FBLN5: variants seen among roughly 807,000 people sequenced by gnomAD.
FBLN5 encodes the protein fibulin-5.
A neutral mutation model predicts 61.6 loss-of-function variants in FBLN5; 24 were observed. The observed-to-expected ratio is 0.39, with a 90% CI of 0.28 to 0.55. The LOEUF is 0.55. FBLN5 is among the 20% of genes least tolerant of loss of function. The pLI is 0.65. For synonymous variants in FBLN5, 213 were observed against 219.8 expected (o/e 0.97, Z 0.27); for missense variants, 470 against 594.1 (o/e 0.79, Z 2.17).
At chr14:91,934,223 C>A (rs1187023262) in intron 4 of FBLN5, among the ~76,000 whole-genome samples, 1 of 152,154 alleles carries the variant, frequency 6.6e-6, no homozygotes, top group Non-Finnish European at 1.5e-5. Context: ...AAGAGAAGGA[C>A]CTTGTTTTTA....
intron 5 of FBLN5, among the ~76,000 whole-genome samples, chr14:91,894,745 C>A (rs537548424): frequency 6.6e-6 from 1 of 152,214 alleles, no homozygotes; most frequent in South Asian, 2.1e-4. Flanking sequence ...CATTCAAAAA[C>A]TATAATGATG....
chr14:91,889,931 G>A (rs1185071997), intron 6 of FBLN5, among the ~76,000 whole-genome samples: 1 of 152,208 alleles, frequency 6.6e-6, no homozygotes, highest in Admixed American at 6.5e-5. Context: ...AGGAGGTACT[G>A]GGGGCACGGT....
chr14:91,894,821 ACCCCTCCC>A (rs2139982443), intron 5 of FBLN5, 121 bp downstream of exon 5: 1 of 448,480 alleles, frequency 2.2e-6, no homozygotes, highest in Non-Finnish European at 4.5e-6. Context: ...ATAGCCTTCC[ACCCCTCCC>A]GCCCTCCCTA....
intron 10 of FBLN5, 133 bp downstream of exon 10, chr14:91,877,354 A>G: frequency 2.6e-6 from 2 of 771,240 alleles, no homozygotes; most frequent in Non-Finnish European, 2.3e-6. Context: ...ACCTTGAACC[A>G]CACCCTCCAC....
chr14:91,897,137 T>C (rs1890260727), intron 4 of FBLN5, among the ~76,000 whole-genome samples: 1 of 151,386 alleles, frequency 6.6e-6, no homozygotes, highest in African/African-American at 2.4e-5. Context: ...TCCAAGAACC[T>C]AGTGCCAAGA....
At chr14:91,878,578 C>T (rs2139951970) in intron 9 of FBLN5, among the ~76,000 whole-genome samples, 2 of 152,288 alleles carry the variant, frequency 1.3e-5, no homozygotes, top group Admixed American at 1.3e-4. Flanking sequence ...CCAATCTATC[C>T]ACAAAACCTG....
chr14:91,932,944 C>T (rs2256767), intron 4 of FBLN5, among the ~76,000 whole-genome samples: 77,510 of 152,222 alleles, frequency 0.51, 20,217 homozygotes, highest in East Asian at 0.68. Context: ...GCTTCGTATG[C>T]ATGGCCCCTT....
In FBLN5 at chr14:91,911,016, C is replaced by T. The variant is rs529947861; in HGVS notation, c.380-15944G>A. On this transcript the variant is annotated intron_variant, in intron 4 of 10. Coordinates refer to ENST00000342058, the MANE Select transcript of FBLN5 (RefSeq NM_006329.4). ...TTTTTTTTTTTAATACAGAGTCTCA[C>T]TCTGTCACCCAGGCTGGAGTGCAGC... Among the ~76,000 whole-genome samples the T allele has an allele frequency of 2.6e-5, 4 of 151,562 alleles. No homozygotes were observed. The South Asian group carries it at 8.4e-4, about 32-fold the overall frequency.
At chr14:91,875,045 G>C (rs1413537750) in intron 10 of FBLN5, among the ~76,000 whole-genome samples, 18 of 152,054 alleles carry the variant, frequency 1.2e-4, no homozygotes, top group Admixed American at 1.2e-3. Context: ...GCCCAGGCTG[G>C]ACTTGAACTC....
chr14:91,945,287 T>G (rs555806647), intron 1 of FBLN5, among the ~76,000 whole-genome samples: 2 of 152,168 alleles, frequency 1.3e-5, no homozygotes, highest in Admixed American at 1.3e-4. Context: ...GTACTATTAT[T>G]CAGTTCAACA....
At chr14:91,897,012 T>C (rs1002437179) in intron 4 of FBLN5, among the ~76,000 whole-genome samples, 4 of 152,144 alleles carry the variant, frequency 2.6e-5, no homozygotes, top group Admixed American at 6.5e-5. Flanking sequence ...AAATCCACCA[T>C]CCACCTGCAA....
rs1270311379 is a variant in FBLN5, at chr14:91,941,919, G to A, written c.72+988C>T. 3 of 346,224 alleles carry A rather than the reference G, an allele frequency of 8.7e-6. No homozygotes were observed. The Admixed American group carries it at 1.1e-4, about 13-fold the overall frequency. 21.4% of individuals were successfully genotyped at this position (346,224 alleles called of 1,614,324 possible). On this transcript the variant is annotated intron_variant, in intron 2 of 10. Transcript: ENST00000342058. ...GTCTTCATGTGTACACCATGAGGCT[G>A]CCTTAGAAAACCGCAAGGTCTAAAA...
intron 10 of FBLN5, among the ~76,000 whole-genome samples, chr14:91,870,667 A>T (rs1233717745): frequency 6.6e-6 from 1 of 152,208 alleles, no homozygotes; most frequent in Non-Finnish European, 1.5e-5. Flanking sequence ...TACTTTGTAC[A>T]GGATGGAAAG....
At chr14:91,912,852 AC>A (rs1477617204) in intron 4 of FBLN5, among the ~76,000 whole-genome samples, 2 of 151,902 alleles carry the variant, frequency 1.3e-5, no homozygotes, top group African/African-American at 2.4e-5. Context: ...TCAGGAAAAG[AC>A]TGAGACACTT....
At chr14:91,920,928 A>G (rs910300807) in intron 4 of FBLN5, among the ~76,000 whole-genome samples, 2 of 152,136 alleles carry the variant, frequency 1.3e-5, no homozygotes, top group Non-Finnish European at 2.9e-5. Flanking sequence ...TTAAAACCCA[A>G]CTCCAATCTG....
At chr14:91,891,482 T>G in intron 5 of FBLN5, 145 bp from the exon 6 acceptor site, 1 of 726,702 alleles carries the variant, frequency 1.4e-6, no homozygotes, top group Non-Finnish European at 2.5e-6. Context: ...GCCTACTGAG[T>G]GTCACGGATG....
At chr14:91,931,914 C>G (rs138961158) in intron 4 of FBLN5, among the ~76,000 whole-genome samples, 2 of 152,214 alleles carry the variant, frequency 1.3e-5, no homozygotes, top group Non-Finnish European at 2.9e-5. Flanking sequence ...CACCCCACCC[C>G]CTGAGGCTTC....
chr14:91,879,862 CA>C (rs542182330), intron 9 of FBLN5, among the ~76,000 whole-genome samples: 127 of 152,316 alleles, frequency 8.3e-4, no homozygotes, highest in African/African-American at 2.8e-3. Flanking sequence ...GTGTCTGATT[CA>C]TCCTTTCGTC....
intron 6 of FBLN5, among the ~76,000 whole-genome samples, chr14:91,888,331 G>A (rs911975685): frequency 6.7e-6 from 1 of 148,392 alleles, no homozygotes; most frequent in African/African-American, 2.5e-5. Context: ...TAGGCTGGGT[G>A]CAGTGGCTCA....
Sources: gnomAD v4.1 joint callset for allele counts (sites outside exome capture counted in the v4.1 genomes callset) on GRCh38, gnomAD v4.1.1 for gene constraint, MANE v1.5 for transcripts, NCBI Gene and HGNC (gene_info 2026-07-23, HGNC 2026-07-21) for gene names.